Variants in RPUSD4 observed in about 807,000 individuals in gnomAD.
RPUSD4 encodes the protein pseudouridylate synthase RPUSD4, mitochondrial.
In RPUSD4, 37 loss-of-function variants were observed where a neutral mutation model predicts 35.4. That is an observed-to-expected ratio of 1.04 (90% CI 0.80 to 1.37). The LOEUF (loss-of-function observed/expected upper bound fraction) is 1.37. Ranked by LOEUF, RPUSD4 falls within the 40% of genes most tolerant of loss-of-function variation. RPUSD4 has a pLI of 0.00. For missense variants in RPUSD4, 507 were observed against 484.9 expected (o/e 1.05, Z -0.43); for synonymous variants, 210 against 192.7 (o/e 1.09, Z -0.74).
rs372329296 is a variant in RPUSD4, at chr11:126,205,526, C to G, written c.738G>C (p.Gln246His). 3.1e-6 allele frequency: 5 copies of G among 1,614,140 alleles called. No homozygotes were observed. In the Admixed American group the frequency reaches 8.3e-5, roughly 27 times the overall value. The change falls in exon 5 of 7, where the codon CAG (glutamine) becomes CAC (histidine). Residue 246 changes from glutamine to histidine, a missense_variant. By Grantham distance (24) the Gln-to-His change is conservative (BLOSUM62 0). Transcript: ENST00000298317. ...AGAGAGTGCTGCTGAGCACCTGGTA[C>G]TGAGTTACAGCAACTTGCGCATTCC... ...RSRNAQVAVT[Q>H]YQVLSSTLSS...
At position 126,203,629 on chromosome 11, in the gene RPUSD4, A is replaced by G. The variant is rs761913631; in HGVS notation, c.923T>C (p.Leu308Pro). The G allele has an allele frequency of 1.2e-6, 2 of 1,613,470 alleles. No homozygotes were observed. Among genetic ancestry groups the G allele is most frequent in the African/African-American group, 2.7e-5 (2 of 75,030 alleles). ...GCGGGCCTTCGACTGTTCTAGCCCC[A>G]GCTTCTTCAGGGTGCCCACAGACAG... The part of the protein sequence containing the change: ...QKLSVGTLKK[L>P]GLEQSKARYI... Residue 308 changes from leucine to proline, a missense_variant, in exon 7 of 7, where the codon CTG becomes CCG. By Grantham distance (98) the Leu-to-Pro change is moderately conservative. Coordinates refer to ENST00000298317, the MANE Select transcript of RPUSD4 (RefSeq NM_032795.3).
intron 6 of RPUSD4, among the ~76,000 whole-genome samples, chr11:126,203,926 C>A (rs979626086): frequency 9.2e-5 from 14 of 152,108 alleles, no homozygotes; most frequent in Non-Finnish European, 2.9e-5. Context: ...GCTTTCCCTG[C>A]GGTTTTTTAG....
chr11:126,205,110 C>T (rs537162583), intron 5 of RPUSD4, among the ~76,000 whole-genome samples: 1 of 152,168 alleles, frequency 6.6e-6, no homozygotes, highest in African/African-American at 2.4e-5. Flanking sequence ...ATTCATCCCC[C>T]AATGGTCACT....
intron 5 of RPUSD4, among the ~76,000 whole-genome samples, chr11:126,205,140 G>A (rs1174996378): frequency 6.6e-6 from 1 of 152,092 alleles, no homozygotes; most frequent in Non-Finnish European, 1.5e-5. Flanking sequence ...TTCACATTTT[G>A]TTGCTGTGAA....
At chr11:126,205,924 T>C (rs1259192980) in intron 3 of RPUSD4, 143 bp from the exon 4 acceptor site, 1 of 594,430 alleles carries the variant, frequency 1.7e-6, no homozygotes, top group Non-Finnish European at 2.8e-6. Context: ...ATTCTCTTGG[T>C]GTAATGCTTA....
chr11:126,206,593 C>T (rs1320431013), intron 3 of RPUSD4: 1 of 152,162 alleles, frequency 6.6e-6, no homozygotes, highest in African/African-American at 2.4e-5. Context: ...ACCACAACCA[C>T]AACTCAATAA....
intron 1 of RPUSD4, 109 bp downstream of exon 1, chr11:126,211,341 C>T: frequency 1.6e-6 from 2 of 1,245,760 alleles, no homozygotes; most frequent in Non-Finnish European, 2.2e-6. Flanking sequence ...ACCTTGCGTC[C>T]GGGCTATTGA....
chr11:126,203,769 G>C, intron 6 of RPUSD4, 112 bp from the exon 7 acceptor site: 2 of 1,363,530 alleles, frequency 1.5e-6, no homozygotes, highest in East Asian at 4.8e-5. Flanking sequence ...CCCCCTGGAA[G>C]ACACAGTAAT....
rs769250452 is a variant in RPUSD4, at chr11:126,205,553, G to A, written c.711C>T (p.Ser237=). The A allele has an allele frequency of 5.6e-6, 9 of 1,614,284 alleles. No individual in the cohort carries two copies. In the East Asian group the frequency reaches 2.0e-4, roughly 36 times the overall value. The change falls in exon 5 of 7, where the codon AGC becomes AGT. Residue 237 remains serine, a synonymous_variant. Transcript: ENST00000298317. ...DDGKMVKVRR[S]RNAQVAVTQY... ...GAGTTACAGCAACTTGCGCATTCCG[G>A]CTGCGCCGCACTTTCACCATTTTCC...
In RPUSD4 at chr11:126,211,610, C is replaced by A; in HGVS notation, c.29G>T (p.Gly10Val). The change falls in exon 1 of 7, where the codon GGC (glycine) becomes GTC (valine). Residue 10 changes from glycine to valine, a missense_variant. Gly to Val is a moderately radical substitution (Grantham distance 109). Coordinates refer to ENST00000298317, the MANE Select transcript of RPUSD4 (RefSeq NM_032795.3). Reference sequence around the variant, plus strand: ...TTGGCCGTTTCCCCGGATCCAGGGGCCCGACGCGCTCCACCTGGGCGCCGC... The same window carrying A: ...TTGGCCGTTTCCCCGGATCCAGGGGACCGACGCGCTCCACCTGGGCGCCGC... MAAPRWSAS[G>V]PWIRGNGQGC... The A allele has an allele frequency of 6.2e-7, 1 of 1,613,824 alleles. No individual in the cohort carries two copies. Among genetic ancestry groups the A allele is most frequent in the South Asian group, 1.1e-5 (1 of 91,076 alleles).
rs773575119 is a variant in RPUSD4, at chr11:126,204,211, T to C, written c.894+20A>G. 7 of 1,542,424 alleles carry C rather than the reference T, an allele frequency of 4.5e-6. No homozygotes were observed. In the South Asian group the frequency reaches 6.7e-5, roughly 15 times the overall value. On this transcript the variant is annotated intron_variant, in intron 6 of 6. Coordinates refer to ENST00000298317, the MANE Select transcript of RPUSD4 (RefSeq NM_032795.3). ...AGTTCTCTCCCGTATCTGCTGCACA[T>C]TGGGTCAAATTAGTATTACCTGGGG...
intron 1 of RPUSD4, 133 bp from the exon 2 acceptor site, chr11:126,211,188 T>C: frequency 8.9e-7 from 1 of 1,128,866 alleles, no homozygotes; most frequent in South Asian, 1.4e-5. Flanking sequence ...CTTCGACTAA[T>C]TTGAGAGCAG....
Position 126,210,520 on chromosome 11 carries a change from T to TACATACATACACACACACACACACACAC in RPUSD4, c.355+369_355+370insGTGTGTGTGTGTGTGTGTGTATGTATGT, listed in dbSNP as rs746246254. Among the ~76,000 whole-genome samples the TACATACATACACACACACACACACACAC allele has an allele frequency of 9.1e-3, 548 of 60,200 alleles. 1 individual carries two copies. The highest frequency in any genetic ancestry group is 0.015 in the Non-Finnish European group (429 of 29,174). The allele number at this position is 60,200 out of a possible 152,430, so 39.5% of individuals were successfully genotyped here. On this transcript the variant is annotated intron_variant, in intron 2 of 6. Transcript: ENST00000298317. ...TATGTTACATATACTCCAACATACA[T>TACATACATACACACACACACACACACAC]ACACACACACACACACACACACACA...
Position 126,203,203 on chromosome 11 carries a change from T to G in RPUSD4, c.*215A>C. The stretch of plus-strand genomic sequence containing the variant: ...AGGCTTTTCCACAGTGCAGCCAAAC[T>G]ATCAGTAAATAGACTTTGTTCTCCA... On this transcript the variant is annotated 3_prime_UTR_variant, in exon 7 of 7. Transcript: ENST00000298317. 2 of 615,578 alleles carry G rather than the reference T, an allele frequency of 3.2e-6. No homozygotes were observed. The highest frequency in any genetic ancestry group is 5.4e-6 in the Non-Finnish European group (2 of 370,340). 38.1% of individuals were successfully genotyped at this position (615,578 alleles called of 1,614,324 possible). A position where few individuals can be genotyped will look rare whatever the true frequency, so the allele number is the denominator to read the frequency against.
At chr11:126,210,749 C>CGTAACA in intron 2 of RPUSD4, 141 bp downstream of exon 2, 1 of 746,334 alleles carries the variant, frequency 1.3e-6, no homozygotes, top group Non-Finnish European at 2.1e-6. Context: ...TCGGTGGTTC[C>CGTAACA]TTATATTGGA....
chr11:126,211,579 G>T lies in RPUSD4; in HGVS notation c.60C>A (p.Cys20Ter). The T allele has an allele frequency of 1.2e-6, 2 of 1,614,150 alleles. No individual in the cohort carries two copies. The highest frequency in any genetic ancestry group is 1.7e-6 in the Non-Finnish European group (2 of 1,180,036). The change falls in exon 1 of 7, where the codon TGC becomes TGA. Residue 20 changes from cysteine to a stop codon, truncating the protein, a stop_gained. Transcript: ENST00000298317. LOFTEE classifies it high-confidence loss of function. ...GPWIRGNGQG[C>*]GSLFTLVSKP... ...TTGAGACGAGAGTGAAGAGACTCCCGCAACCTTGGCCGTTTCCCCGGATCC... is the reference window on the plus strand; with the variant it reads ...TTGAGACGAGAGTGAAGAGACTCCCTCAACCTTGGCCGTTTCCCCGGATCC...
chr11:126,202,512 A>G lies in RPUSD4; in HGVS notation c.*906T>C, dbSNP rs1459533335. ...AAAGGATACATACTACACGCAGCGAAAATGCCAACCACTGATCCAGAATTT... is the reference window on the plus strand; with the variant it reads ...AAAGGATACATACTACACGCAGCGAGAATGCCAACCACTGATCCAGAATTT... On this transcript the variant is annotated 3_prime_UTR_variant, in exon 7 of 7. Transcript: ENST00000298317. 2.0e-5 allele frequency: 3 copies of G among 152,278 alleles called. No homozygotes were observed. The highest frequency in any genetic ancestry group is 4.4e-5 in the Non-Finnish European group (3 of 68,066). The allele number at this position is 152,278 out of a possible 1,614,324, so 9.4% of individuals were successfully genotyped here. A position where few individuals can be genotyped will look rare whatever the true frequency, so the allele number is the denominator to read the frequency against.
rs1949720570 is a variant in RPUSD4, at chr11:126,202,269, G to A, written c.*1149C>T. On this transcript the variant is annotated 3_prime_UTR_variant, in exon 7 of 7. Transcript: ENST00000298317. ...TCAGAAAGAAAAAGTAGTGTGAGGT[G>A]TATTTGTTTGCAAGAAACAAGGTGG... 1 of 152,298 alleles carries A rather than the reference G, an allele frequency of 6.6e-6. No homozygotes were observed. Among genetic ancestry groups the A allele is most frequent in the Non-Finnish European group, 1.5e-5 (1 of 68,086 alleles). The allele number at this position is 152,298 out of a possible 1,614,324, so 9.4% of individuals were successfully genotyped here.
intron 6 of RPUSD4, 26 bp from the exon 7 acceptor site, chr11:126,203,683 G>A (rs1378056922): frequency 1.3e-6 from 2 of 1,598,286 alleles, no homozygotes; most frequent in East Asian, 2.2e-5. Flanking sequence ...ACAGACCCTT[G>A]AGAGCAAGGC....
Sources: gnomAD v4.1 joint callset for allele counts (sites outside exome capture counted in the v4.1 genomes callset) on GRCh38, gnomAD v4.1.1 for gene constraint, MANE v1.5 for transcripts, NCBI Gene and HGNC (gene_info 2026-07-23, HGNC 2026-07-21) for gene names.